The following PTPRT variants were observed in gnomAD, a reference collection of about 807,000 sequenced individuals.
PTPRT encodes receptor-type tyrosine-protein phosphatase T.
PTPRT carries 56 observed loss-of-function variants against 176.8 expected under a neutral mutation model. The ratio of observed to expected loss-of-function variants is 0.32; its 90% CI spans 0.26 to 0.40. PTPRT has a LOEUF of 0.40. Among genes scored for constraint, PTPRT ranks in the 10% least tolerant of loss-of-function variants. PTPRT has a pLI of 1.00. For missense variants in PTPRT, 1,540 were observed against 1,908.2 expected, an observed-to-expected ratio of 0.81 and a Z score of 3.60; for synonymous variants, 783 against 739.0, an observed-to-expected ratio of 1.06 and a Z score of -0.96.
chr20:42,855,360 C>T (rs2078542664), intron 2 of PTPRT, among the ~76,000 whole-genome samples: 1 of 151,206 alleles, frequency 6.6e-6, no homozygotes, highest in Non-Finnish European at 1.5e-5. Flanking sequence ...CAGAAACTGC[C>T]CCAACCTCAT....
At chr20:42,285,952 T>C (rs1600782667) in intron 12 of PTPRT, among the ~76,000 whole-genome samples, 1 of 151,862 alleles carries the variant, frequency 6.6e-6, no homozygotes, top group Non-Finnish European at 1.5e-5. Flanking sequence ...ATAAACTACC[T>C]AAAAAAGAAA....
chr20:43,037,495 C>T (rs550942975), intron 1 of PTPRT, among the ~76,000 whole-genome samples: 69 of 152,300 alleles, frequency 4.5e-4, no homozygotes, highest in African/African-American at 1.4e-3. Flanking sequence ...AGAGGGATCT[C>T]GTGCACTTTA....
At chr20:42,689,879 C>T (rs2075764560) in intron 6 of PTPRT, among the ~76,000 whole-genome samples, 1 of 152,076 alleles carries the variant, frequency 6.6e-6, no homozygotes, top group Non-Finnish European at 1.5e-5. Context: ...GAACACAGCC[C>T]CACTGACCCA....
intron 1 of PTPRT, among the ~76,000 whole-genome samples, chr20:43,157,071 G>T (rs2014542897): frequency 1.3e-5 from 2 of 152,100 alleles, no homozygotes; most frequent in South Asian, 4.1e-4. Context: ...AAAGACACAG[G>T]CTGGGCACGG....
At chr20:42,833,824 G>A (rs1431622654) in intron 2 of PTPRT, among the ~76,000 whole-genome samples, 2 of 152,096 alleles carry the variant, frequency 1.3e-5, no homozygotes, top group African/African-American at 2.4e-5. Flanking sequence ...GGAGCGGGGG[G>A]AAGAAAGGAG....
the PTPRT span, among the ~76,000 whole-genome samples, chr20:42,038,460 G>T: frequency 2.0e-5 from 3 of 152,188 alleles, no homozygotes; most frequent in Non-Finnish European, 2.9e-5. Context: ...GGAGAAGTTG[G>T]TGTCTGAGCA....
intron 13 of PTPRT, among the ~76,000 whole-genome samples, chr20:42,261,268 C>A (rs2056743914): frequency 6.6e-6 from 1 of 152,158 alleles, no homozygotes; most frequent in Non-Finnish European, 1.5e-5. Flanking sequence ...ATCACTGCCC[C>A]TGTTGTCAAT....
chr20:43,010,188 T>C (rs1354939870), intron 1 of PTPRT, among the ~76,000 whole-genome samples: 1 of 152,158 alleles, frequency 6.6e-6, no homozygotes, highest in Non-Finnish European at 1.5e-5. Flanking sequence ...GACCCACCTG[T>C]GTCCTCTGTC....
intron 2 of PTPRT, among the ~76,000 whole-genome samples, chr20:42,874,149 C>G (rs1299694591): frequency 1.3e-5 from 2 of 152,150 alleles, no homozygotes. Flanking sequence ...TGATTCTCAG[C>G]AACGTCTTCC....
intron 1 of PTPRT, among the ~76,000 whole-genome samples, chr20:43,101,167 G>A (rs2012378686): frequency 6.6e-6 from 1 of 152,098 alleles, no homozygotes; most frequent in Admixed American, 6.6e-5. Flanking sequence ...ACAAAGATAA[G>A]AAAATTCAAG....
At chr20:42,089,205 C>T (rs1984351803) in intron 27 of PTPRT, among the ~76,000 whole-genome samples, 1 of 152,104 alleles carries the variant, frequency 6.6e-6, no homozygotes, top group Admixed American at 6.5e-5. Flanking sequence ...ATGACAAATC[C>T]ACAATTTGAA....
chr20:42,763,150 T>G (rs773940248), intron 5 of PTPRT, among the ~76,000 whole-genome samples: 10 of 152,226 alleles, frequency 6.6e-5, no homozygotes, highest in Non-Finnish European at 1.3e-4. Context: ...ACCGTCTGAT[T>G]ATCTATCAAG....
chr20:42,612,627 G>A (rs1709968242), intron 7 of PTPRT, among the ~76,000 whole-genome samples: 1 of 152,128 alleles, frequency 6.6e-6, no homozygotes, highest in African/African-American at 2.4e-5. Flanking sequence ...GAGGGACTCA[G>A]TAGTAGACAG....
chr20:42,899,993 G>A (rs1428155691), intron 1 of PTPRT, among the ~76,000 whole-genome samples: 1 of 152,202 alleles, frequency 6.6e-6, no homozygotes, highest in Non-Finnish European at 1.5e-5. Flanking sequence ...ATCCTCAAAA[G>A]AGCCCCATGA....
intron 12 of PTPRT, among the ~76,000 whole-genome samples, chr20:42,305,123 C>A (rs2057525046): frequency 1.3e-5 from 2 of 152,112 alleles, no homozygotes; most frequent in African/African-American, 2.4e-5. Context: ...GAGGCTGAGG[C>A]AGGAGGATTG....
chr20:42,259,966 A>T (rs1387063259), intron 13 of PTPRT, among the ~76,000 whole-genome samples: 5 of 152,226 alleles, frequency 3.3e-5, no homozygotes, highest in African/African-American at 7.2e-5. Flanking sequence ...ACATTGCCTA[A>T]CCTGAGTGGT....
chr20:43,008,494 G>A lies in PTPRT; in HGVS notation c.89-122562C>T, dbSNP rs983528765. Among the ~76,000 whole-genome samples, 16 of 152,054 alleles carry A rather than the reference G, an allele frequency of 1.1e-4. 1 individual carries two copies. The highest frequency in any genetic ancestry group is 7.2e-4 in the Admixed American group (11 of 15,250). ...TGACTTGTGATCAGGAGTTTGAGAC[G>A]AGGCTGGCCATCATGGTAAAACCCC... is the stretch of plus-strand genomic sequence containing the variant. On this transcript the variant is annotated intron_variant, in intron 1 of 30. Transcript: ENST00000373187.
At chr20:42,191,960 G>A (rs1040319457) in intron 16 of PTPRT, among the ~76,000 whole-genome samples, 17 of 152,044 alleles carry the variant, frequency 1.1e-4, no homozygotes, top group African/African-American at 3.9e-4. Context: ...CTGTCATTAT[G>A]TACTGATCAA....
At chr20:42,070,455 C>T (rs1377328023), downstream of PTPRT, among the ~76,000 whole-genome samples, 5 of 151,886 alleles carry the variant, frequency 3.3e-5, no homozygotes, top group African/African-American at 9.7e-5. Flanking sequence ...GACGGCAGCA[C>T]ATAGGGTGGG....
Sources: gnomAD v4.1 joint callset for allele counts (sites outside exome capture counted in the v4.1 genomes callset) on GRCh38, gnomAD v4.1.1 for gene constraint, MANE v1.5 for transcripts, NCBI Gene and HGNC (gene_info 2026-07-23, HGNC 2026-07-21) for gene names.